The following CBLN2 variants were observed in gnomAD, a reference collection of about 807,000 sequenced individuals.
The protein encoded by CBLN2 is cerebellin-2.
In CBLN2, 7 loss-of-function variants were observed where a neutral mutation model predicts 15.0. The observed-to-expected ratio is 0.47, with a 90% CI of 0.27 to 0.88. CBLN2 has a LOEUF of 0.88. Ranked by LOEUF, CBLN2 falls within the 40% of genes least tolerant of loss-of-function variation. CBLN2 has a pLI of 0.14. For synonymous variants in CBLN2, 149 were observed against 135.2 expected, an observed-to-expected ratio of 1.10 and a Z score of -0.71; for missense variants, 242 against 304.5, an observed-to-expected ratio of 0.79 and a Z score of 1.53.
At chr18:72,632,057 T>C (rs1279623480) in intron 1 of CBLN2, among the ~76,000 whole-genome samples, 1 of 152,180 alleles carries the variant, frequency 6.6e-6, no homozygotes, top group Non-Finnish European at 1.5e-5. Flanking sequence ...TTAGTTAATA[T>C]TATAAATGAA....
At chr18:72,580,445 C>T (rs1182520457) in intron 1 of CBLN2, among the ~76,000 whole-genome samples, 1 of 152,088 alleles carries the variant, frequency 6.6e-6, no homozygotes. Flanking sequence ...TCTATCATAA[C>T]CCTCCCTTTA....
intron 1 of CBLN2, among the ~76,000 whole-genome samples, chr18:72,584,059 T>C (rs1490899793): frequency 1.3e-5 from 2 of 152,218 alleles, no homozygotes; most frequent in African/African-American, 4.8e-5. Context: ...CTCAGTTTTC[T>C]CCAGGACCTC....
chr18:72,562,287 G>A (rs1209265530), intron 1 of CBLN2, among the ~76,000 whole-genome samples: 2 of 151,770 alleles, frequency 1.3e-5, no homozygotes, highest in African/African-American at 4.8e-5. Context: ...GTGGAAAAGA[G>A]GATAAAATAT....
intron 1 of CBLN2, among the ~76,000 whole-genome samples, chr18:72,566,556 A>G (rs774361703): frequency 1.3e-5 from 2 of 152,208 alleles, no homozygotes; most frequent in African/African-American, 2.4e-5. Flanking sequence ...TCAGGCACAG[A>G]AAAACAAATA....
At chr18:72,555,577 A>G (rs2069221509) in intron 1 of CBLN2, among the ~76,000 whole-genome samples, 1 of 152,220 alleles carries the variant, frequency 6.6e-6, no homozygotes, top group African/African-American at 2.4e-5. Flanking sequence ...TATGAATTAT[A>G]GAATTTTATA....
intron 2 of CBLN2, among the ~76,000 whole-genome samples, chr18:72,542,587 T>A (rs527948396): frequency 6.6e-6 from 1 of 152,108 alleles, no homozygotes; most frequent in Non-Finnish European, 1.5e-5. Flanking sequence ...CAGGTCCTCG[T>A]CGCTAAGACG....
chr18:72,590,917 T>C (rs1394000337), intron 1 of CBLN2, among the ~76,000 whole-genome samples: 1 of 152,260 alleles, frequency 6.6e-6, no homozygotes. Flanking sequence ...ACATTTATCT[T>C]GGATAATTTG....
At chr18:72,574,565 T>C (rs1401369184) in intron 1 of CBLN2, among the ~76,000 whole-genome samples, 1 of 152,142 alleles carries the variant, frequency 6.6e-6, no homozygotes, top group Non-Finnish European at 1.5e-5. Context: ...AGTGTACAGA[T>C]GGAGGGGATT....
rs1362851566 is a variant in CBLN2 at position 72,543,824 on chromosome 18, C to T, written c.-212+153G>A. ...GGGCCCCTCGAGCTCCCGCGCTCAG[C>T]GCGTCCGCAGCGCGGCTCCCTCGCG... is the stretch of plus-strand genomic sequence containing the variant. On this transcript the variant is annotated intron_variant, in intron 1 of 4. Transcript: ENST00000269503. The surrounding 1 kb of genome is among the most constrained non-coding windows in gnomAD (Gnocchi z 6.8). Among the ~76,000 whole-genome samples, 1 of 151,858 alleles carries T rather than the reference C, an allele frequency of 6.6e-6. No individual in the cohort carries two copies. The highest frequency in any genetic ancestry group is 2.4e-5 in the African/African-American group (1 of 41,396).
chr18:72,631,591 C>G (rs1453780644), intron 1 of CBLN2, among the ~76,000 whole-genome samples: 1 of 152,082 alleles, frequency 6.6e-6, no homozygotes, highest in Non-Finnish European at 1.5e-5. Flanking sequence ...CTAAAGGAAT[C>G]AGGGAATGGA....
In CBLN2 at chr18:72,625,810, CTCTCTCTCTATATATATA is replaced by C. The variant is rs1276325346; in HGVS notation, c.15+12497_15+12514del. The stretch of plus-strand genomic sequence containing the variant: ...TGACTCTCTCTCTCTCTCTCTCTCT[CTCTCTCTCTATATATATA>C]TATATATATATATATAGTACACACA... On this transcript the variant is annotated intron_variant, in intron 1 of 2. Coordinates refer to the CBLN2 transcript ENST00000581073. Among the ~76,000 whole-genome samples the C allele has an allele frequency of 3.1e-3, 209 of 67,720 alleles. 1 individual carries two copies. Among genetic ancestry groups the C allele is most frequent in the Admixed American group, 0.031 (152 of 4,934 alleles). The allele number at this position is 67,720 out of a possible 152,430, so 44.4% of individuals were successfully genotyped here.
intron 1 of CBLN2, among the ~76,000 whole-genome samples, chr18:72,549,722 T>C (rs989484249): frequency 6.6e-6 from 1 of 152,206 alleles, no homozygotes; most frequent in Admixed American, 6.5e-5. Context: ...AAATGAAGCA[T>C]TACTGAGAAA....
At chr18:72,541,518 C>A (rs1251291408) in intron 3 of CBLN2, among the ~76,000 whole-genome samples, 1 of 152,174 alleles carries the variant, frequency 6.6e-6, no homozygotes, top group Non-Finnish European at 1.5e-5. Context: ...TATTTCAAAT[C>A]TTTAGGTTTA....
intron 1 of CBLN2, among the ~76,000 whole-genome samples, chr18:72,554,776 TA>T (rs2069214027): frequency 6.6e-6 from 1 of 152,034 alleles, no homozygotes; most frequent in Admixed American, 6.6e-5. Context: ...TTGAAATGTA[TA>T]AAAGTTCATC....
At chr18:72,599,092 TG>T (rs1480092538) in intron 1 of CBLN2, among the ~76,000 whole-genome samples, 2 of 152,194 alleles carry the variant, frequency 1.3e-5, no homozygotes, top group African/African-American at 4.8e-5. Context: ...GTGCTCCTGT[TG>T]GGGGAACAAT....
intron 1 of CBLN2, among the ~76,000 whole-genome samples, chr18:72,595,569 T>C (rs1198925590): frequency 1.3e-5 from 2 of 152,150 alleles, no homozygotes; most frequent in Non-Finnish European, 2.9e-5. Context: ...GTCTGATGTT[T>C]CTTTATTGAT....
chr18:72,556,880 A>G (rs1019819363), intron 1 of CBLN2, among the ~76,000 whole-genome samples: 1 of 152,154 alleles, frequency 6.6e-6, no homozygotes, highest in Non-Finnish European at 1.5e-5. Flanking sequence ...CTTAAAACCA[A>G]CAGAGTAATA....
In CBLN2 at chr18:72,537,992, A is replaced by G. The variant is rs1449215302; in HGVS notation, c.*184T>C. The G allele has an allele frequency of 9.7e-6, 6 of 617,578 alleles. No homozygotes were observed. In the African/African-American group the frequency reaches 1.1e-4, roughly 11 times the overall value. 38.3% of individuals were successfully genotyped at this position (617,578 alleles called of 1,614,324 possible). ...TAATTAGAGGCCAGGTTCCCGAGGA[A>G]TTGTCAGTATTCCAAAAAACAAAAA... On this transcript the variant is annotated 3_prime_UTR_variant, in exon 5 of 5. Transcript: ENST00000269503.
intron 1 of CBLN2, among the ~76,000 whole-genome samples, chr18:72,588,140 A>G (rs2069455407): frequency 6.6e-6 from 1 of 152,182 alleles, no homozygotes; most frequent in Non-Finnish European, 1.5e-5. Flanking sequence ...GAAAATTTCC[A>G]TCCTATCACT....
Sources: allele counts gnomAD v4.1 joint callset (sites outside exome capture counted in the v4.1 genomes callset), GRCh38; gene constraint gnomAD v4.1.1; non-coding constraint Gnocchi (gnomAD v3.1); transcripts MANE v1.5; gene names NCBI Gene and HGNC (gene_info 2026-07-23, HGNC 2026-07-21).